The following NTM variants were observed in gnomAD, a reference collection of about 807,000 sequenced individuals.
The protein encoded by NTM is IgLON family member 2.
A neutral mutation model predicts 42.1 loss-of-function variants in NTM; 13 were observed. The ratio of observed to expected loss-of-function variants is 0.31; its 90% CI spans 0.20 to 0.49. NTM has a LOEUF of 0.49. Ranked by LOEUF, NTM falls within the 20% of genes least tolerant of loss-of-function variation. The pLI, the probability that NTM is intolerant of heterozygous loss-of-function variation, is 0.99. For missense variants in NTM, 373 were observed against 452.8 expected (o/e 0.82, Z 1.60); for synonymous variants, 187 against 179.2 (o/e 1.04, Z -0.35).
At chr11:131,976,281 G>C (rs1253885864) in intron 2 of NTM, among the ~76,000 whole-genome samples, 1 of 152,038 alleles carries the variant, frequency 6.6e-6, no homozygotes. Context: ...GCTTATACCC[G>C]AGCATGGGTG....
chr11:132,069,828 C>G (rs1266076026), intron 2 of NTM, among the ~76,000 whole-genome samples: 1 of 148,726 alleles, frequency 6.7e-6, no homozygotes, highest in Admixed American at 6.7e-5. Context: ...TCAAACTGAC[C>G]ATCACAGGTT....
At chr11:131,685,022 C>T (rs981202897) in intron 1 of NTM, among the ~76,000 whole-genome samples, 3 of 152,208 alleles carry the variant, frequency 2.0e-5, no homozygotes, top group African/African-American at 4.8e-5. Context: ...TGGGATAGGA[C>T]CATCTAGGTG....
intron 1 of NTM, among the ~76,000 whole-genome samples, chr11:131,780,855 T>C (rs2087957842): frequency 6.6e-6 from 1 of 152,152 alleles, no homozygotes; most frequent in Non-Finnish European, 1.5e-5. Flanking sequence ...AAATTTCATA[T>C]ACCTTCTCCT....
At chr11:131,945,353 G>A (rs988896039) in intron 2 of NTM, among the ~76,000 whole-genome samples, 6 of 152,122 alleles carry the variant, frequency 3.9e-5, no homozygotes, top group African/African-American at 1.4e-4. Flanking sequence ...TCTCATATCT[G>A]GGCATACACA....
chr11:131,736,449 AG>A (rs2080456929), intron 1 of NTM, among the ~76,000 whole-genome samples: 1 of 152,164 alleles, frequency 6.6e-6, no homozygotes, highest in Non-Finnish European at 1.5e-5. Context: ...TATCTGTCTG[AG>A]GTCCAAACTC....
intron 1 of NTM, among the ~76,000 whole-genome samples, chr11:131,849,446 CGA>C (rs141108889): frequency 6.6e-6 from 1 of 150,530 alleles, no homozygotes. Context: ...AAGGCAAGAG[CGA>C]GAGAGAGAGA....
chr11:131,508,494 A>G (rs1300017449), intron 1 of NTM, among the ~76,000 whole-genome samples: 4 of 136,350 alleles, frequency 2.9e-5, no homozygotes, highest in Non-Finnish European at 4.7e-5. Context: ...TCAGGGATCT[A>G]GAACTGGAAA....
At chr11:131,789,063 A>G (rs1289366501) in intron 1 of NTM, among the ~76,000 whole-genome samples, 1 of 151,944 alleles carries the variant, frequency 6.6e-6, no homozygotes, top group Non-Finnish European at 1.5e-5. Flanking sequence ...GACTCTCGAA[A>G]TCTTTCTTCT....
chr11:132,203,084 C>T (rs941952958), intron 3 of NTM, among the ~76,000 whole-genome samples: 5 of 152,154 alleles, frequency 3.3e-5, no homozygotes, highest in Non-Finnish European at 7.3e-5. Flanking sequence ...TGGCAGCAAG[C>T]GCATTGCTGA....
intron 2 of NTM, among the ~76,000 whole-genome samples, chr11:131,917,598 C>CA (rs2056594193): frequency 6.6e-6 from 1 of 152,212 alleles, no homozygotes; most frequent in African/African-American, 2.4e-5. Context: ...CACAGAAAAG[C>CA]ACTCTGCTCA....
At chr11:131,841,589 G>A (rs542788267) in intron 1 of NTM, among the ~76,000 whole-genome samples, 8 of 152,250 alleles carry the variant, frequency 5.3e-5, no homozygotes, top group Non-Finnish European at 8.8e-5. Flanking sequence ...AGTCAAGGAC[G>A]AGAATTGCTG....
At chr11:131,797,817 G>A (rs2091736593) in intron 1 of NTM, among the ~76,000 whole-genome samples, 1 of 152,116 alleles carries the variant, frequency 6.6e-6, no homozygotes, top group Non-Finnish European at 1.5e-5. Flanking sequence ...TTCCATGTCA[G>A]CACCAGTAAA....
intron 1 of NTM, chr11:131,671,400 C>G (rs1217829994): frequency 2.0e-6 from 2 of 983,546 alleles, no homozygotes; most frequent in Non-Finnish European, 2.4e-6. Flanking sequence ...TTCTACATTA[C>G]CTGCATATTC....
chr11:131,856,862 C>T (rs1423979424), intron 1 of NTM, among the ~76,000 whole-genome samples: 1 of 152,186 alleles, frequency 6.6e-6, no homozygotes, highest in Non-Finnish European at 1.5e-5. Context: ...AAGGCCCATC[C>T]AGAAAGCTTT....
chr11:131,526,116 A>G (rs2050445473), intron 1 of NTM, among the ~76,000 whole-genome samples: 2 of 152,222 alleles, frequency 1.3e-5, no homozygotes, highest in African/African-American at 4.8e-5. Context: ...CTATTGACCC[A>G]TTTCACAGTG....
At chr11:131,833,603 C>A (rs2043098881) in intron 1 of NTM, among the ~76,000 whole-genome samples, 1 of 152,162 alleles carries the variant, frequency 6.6e-6, no homozygotes, top group Admixed American at 6.5e-5. Context: ...CTGAATGACA[C>A]AATCATCATG....
chr11:131,373,661 C>A (rs1212662160), intron 1 of NTM, among the ~76,000 whole-genome samples: 1 of 152,106 alleles, frequency 6.6e-6, no homozygotes, highest in Admixed American at 6.5e-5. Flanking sequence ...CACCGCCCAC[C>A]TTCTGCCACT....
At chr11:131,630,156 G>A (rs138535826) in intron 1 of NTM, among the ~76,000 whole-genome samples, 8 of 152,262 alleles carry the variant, frequency 5.3e-5, no homozygotes, top group African/African-American at 1.9e-4. Flanking sequence ...CGGCAAAGGA[G>A]GTCGGGCCAT....
At chr11:131,805,987 T>A (rs1429956379) in intron 1 of NTM, among the ~76,000 whole-genome samples, 1 of 152,260 alleles carries the variant, frequency 6.6e-6, no homozygotes, top group Admixed American at 6.5e-5. Context: ...CATGATAACA[T>A]ATTTTCTATG....
Sources: gnomAD v4.1 joint callset for allele counts (sites outside exome capture counted in the v4.1 genomes callset) on GRCh38, gnomAD v4.1.1 for gene constraint, MANE v1.5 for transcripts, NCBI Gene and HGNC (gene_info 2026-07-23, HGNC 2026-07-21) for gene names.